VASH2: variants seen among roughly 807,000 people sequenced by gnomAD.
The protein encoded by VASH2 is vasohibin 2.
In VASH2, 28 loss-of-function variants were observed where a neutral mutation model predicts 37.2. The observed-to-expected ratio is 0.75, with a 90% CI of 0.56 to 1.03. The LOEUF (loss-of-function observed/expected upper bound fraction) is 1.03. VASH2 is among the 50% of genes least tolerant of loss of function. VASH2 has a pLI of 0.00. For missense variants in VASH2, 419 were observed against 459.1 expected (o/e 0.91, Z 0.80); for synonymous variants, 188 against 174.7 (o/e 1.08, Z -0.60).
chr1:212,951,829 TC>T lies in VASH2; in HGVS notation c.276+13del, dbSNP rs1211924829. ...GCCTTCTTGGCAAAGGTCAGTGGCT[TC>T]CAGGGCGGAGTTGGGGGGCTGGGGG... is the stretch of plus-strand genomic sequence containing the variant. On this transcript the variant is annotated intron_variant, in intron 2 of 7. Transcript: ENST00000517399. The surrounding 1 kb of genome is among the most constrained non-coding windows in gnomAD (Gnocchi z 4.4). 3 of 1,595,994 alleles carry T rather than the reference TC, an allele frequency of 1.9e-6. No individual in the cohort carries two copies. The highest frequency in any genetic ancestry group is 1.7e-6 in the Non-Finnish European group (2 of 1,174,998).
intron 2 of VASH2, among the ~76,000 whole-genome samples, chr1:212,955,228 G>A (rs1342756014): frequency 6.6e-6 from 1 of 152,182 alleles, no homozygotes; most frequent in Admixed American, 6.5e-5. Flanking sequence ...GAAGTAGATG[G>A]GGGAGGTTTT....
rs1244773400 is a variant in VASH2 at position 212,990,805 on chromosome 1, T to C, written c.*2221T>C. 1 of 152,128 alleles carries C rather than the reference T, an allele frequency of 6.6e-6. No homozygotes were observed. Among genetic ancestry groups the C allele is most frequent in the Admixed American group, 6.5e-5 (1 of 15,272 alleles). 9.4% of individuals were successfully genotyped at this position (152,128 alleles called of 1,614,324 possible). On this transcript the variant is annotated 3_prime_UTR_variant, in exon 8 of 8. Transcript: ENST00000517399. ...CAAACTTGAAAGTACATTTAAAATG[T>C]TCTTAGTTGTCATCCTACTTTTATT... is the stretch of plus-strand genomic sequence containing the variant.
chr1:212,961,268 C>G lies in VASH2; in HGVS notation c.365+14C>G, dbSNP rs775978769. ...GAAGACCCTACAGTATCCTTCCAACCAAGGTCTGAGCACACCCAGCCAGGG... is the reference window on the plus strand; with the variant it reads ...GAAGACCCTACAGTATCCTTCCAACGAAGGTCTGAGCACACCCAGCCAGGG... On this transcript the variant is annotated intron_variant, in intron 3 of 7. Transcript: ENST00000517399. 1 of 1,614,138 alleles carries G rather than the reference C, an allele frequency of 6.2e-7. No individual in the cohort carries two copies.
In VASH2 at chr1:212,968,597, C is replaced by T. The variant is rs189087098; in HGVS notation, c.497+2252C>T. ...ACCTTACTGAGGCCCCTCCCCAACC[C>T]TCTTGTCATCCTCCTCCCTGTTTCC... On this transcript the variant is annotated intron_variant, in intron 5 of 7. Coordinates refer to ENST00000517399, the MANE Select transcript of VASH2 (RefSeq NM_001301056.2). 16 of 985,498 alleles carry T rather than the reference C, an allele frequency of 1.6e-5. No individual in the cohort carries two copies. In the Admixed American group the frequency reaches 7.4e-4, roughly 45 times the overall value. The allele number at this position is 985,498 out of a possible 1,614,324, so 61.0% of individuals were successfully genotyped here.
intron 5 of VASH2, among the ~76,000 whole-genome samples, chr1:212,972,113 T>C (rs906276381): frequency 6.6e-6 from 1 of 152,202 alleles, no homozygotes; most frequent in Non-Finnish European, 1.5e-5. Flanking sequence ...TCCTTCTGCA[T>C]TCCCAATTGT....
chr1:212,961,664 G>A (rs951080985), intron 3 of VASH2, among the ~76,000 whole-genome samples: 4 of 152,286 alleles, frequency 2.6e-5, no homozygotes, highest in South Asian at 4.1e-4. Flanking sequence ...GGGCGTTGGC[G>A]CATTCTCAGC....
At position 212,973,440 on chromosome 1, in the gene VASH2, AAG is replaced by A. The variant is rs1156605266; in HGVS notation, c.879+483_879+484del. 3.9e-6 allele frequency: 5 copies of A among 1,291,112 alleles called. No individual in the cohort carries two copies. The East Asian group carries it at 1.7e-4, about 43-fold the overall frequency. The allele number at this position is 1,291,112 out of a possible 1,614,324, so 80.0% of individuals were successfully genotyped here. A position where few individuals can be genotyped will look rare whatever the true frequency, so the allele number is the denominator to read the frequency against. ...TCCCTCCAGGGCTTGTGCAGTCACT[AAG>A]AGAAAAGGATTATGCTGACTTCAGG... On this transcript the variant is annotated intron_variant, in intron 6 of 7. Coordinates refer to ENST00000517399, the MANE Select transcript of VASH2 (RefSeq NM_001301056.2).
Position 212,972,608 on chromosome 1 carries a change from G to T in VASH2, c.526G>T (p.Glu176Ter). 1 of 1,614,038 alleles carries T rather than the reference G, an allele frequency of 6.2e-7. No individual in the cohort carries two copies. The highest frequency in any genetic ancestry group is 1.1e-5 in the South Asian group (1 of 91,050). The change falls in exon 6 of 8, where the codon GAG becomes TAG. Residue 176 changes from glutamate to a stop codon, truncating the protein, a stop_gained. Transcript: ENST00000517399. LOFTEE classifies it high-confidence loss of function. ...IYLTNGQPSI[E>*]RFPISFKTYF... is the part of the protein sequence containing the mutation. ...CTTAACCAATGGGCAGCCTTCCATT[G>T]AGCGGTTCCCCATCAGCTTTAAAAC...
At position 212,987,602 on chromosome 1, in the gene VASH2, A is replaced by G. The variant is rs370384523; in HGVS notation, c.996-910A>G. On this transcript the variant is annotated intron_variant, in intron 7 of 7. Coordinates refer to ENST00000517399, the MANE Select transcript of VASH2 (RefSeq NM_001301056.2). ...AAACAAAAACAAAAACAAAACAAAA[A>G]CAAGGTTTATGTGTAACCTAAACAT... Among the ~76,000 whole-genome samples the G allele has an allele frequency of 7.2e-5, 11 of 152,208 alleles. No individual in the cohort carries two copies. In the East Asian group the frequency reaches 1.5e-3, roughly 21 times the overall value.
At chr1:212,973,353 A>T in intron 6 of VASH2, 1 of 1,270,932 alleles carries the variant, frequency 7.9e-7, no homozygotes, top group Non-Finnish European at 1.0e-6. Flanking sequence ...GACTATACTC[A>T]TACGTCCCTC....
In VASH2 at chr1:212,971,696, G is replaced by A. The variant is rs532853202; in HGVS notation, c.498-884G>A. Among the ~76,000 whole-genome samples, 1 of 152,182 alleles carries A rather than the reference G, an allele frequency of 6.6e-6. No individual in the cohort carries two copies. Among genetic ancestry groups the A allele is most frequent in the Non-Finnish European group, 1.5e-5 (1 of 68,028 alleles). On this transcript the variant is annotated intron_variant, in intron 5 of 7. Coordinates refer to ENST00000517399, the MANE Select transcript of VASH2 (RefSeq NM_001301056.2). This position sits in a 1 kb window ranked among gnomAD's most constrained non-coding sequence, Gnocchi z 4.0. ...TTCTTTCTAGAGAGTGGAGGCATCCGTGATTAAACCGAGAGCAGAGGACAA... is the reference window on the plus strand; with the variant it reads ...TTCTTTCTAGAGAGTGGAGGCATCCATGATTAAACCGAGAGCAGAGGACAA...
At chr1:212,973,047 T>C in intron 6 of VASH2, 86 bp downstream of exon 6, 1 of 1,517,206 alleles carries the variant, frequency 6.6e-7, no homozygotes, top group Non-Finnish European at 8.7e-7. Flanking sequence ...GCCTCATTTT[T>C]CTAGGATGGC....
intron 7 of VASH2, among the ~76,000 whole-genome samples, chr1:212,981,402 C>G (rs944697482): frequency 1.3e-5 from 2 of 152,198 alleles, no homozygotes; most frequent in African/African-American, 4.8e-5. Context: ...TTCCCTGTGT[C>G]CGTCCAGCTG....
At position 212,990,216 on chromosome 1, in the gene VASH2, AAAG is replaced by A. The variant is rs766171558; in HGVS notation, c.*1636_*1638del. On this transcript the variant is annotated 3_prime_UTR_variant, in exon 8 of 8. Transcript: ENST00000517399. ...TATTAATGAAAAGTACTGTTTTCTT[AAAG>A]AAGTCGAATGTCCTTTAGATGAACA... 4.2e-4 allele frequency: 64 copies of A among 152,228 alleles called. No homozygotes were observed. The highest frequency in any genetic ancestry group is 8.4e-4 in the Non-Finnish European group (57 of 68,038). The allele number at this position is 152,228 out of a possible 1,614,324, so 9.4% of individuals were successfully genotyped here. A position where few individuals can be genotyped will look rare whatever the true frequency, so the allele number is the denominator to read the frequency against.
At chr1:212,959,021 G>C (rs1666585058) in intron 2 of VASH2, among the ~76,000 whole-genome samples, 1 of 152,004 alleles carries the variant, frequency 6.6e-6, no homozygotes, top group Admixed American at 6.5e-5. Context: ...CAGCCACTGC[G>C]CCCGACCTGC....
Position 212,969,052 on chromosome 1 carries a change from T to G in VASH2, c.497+2707T>G, listed in dbSNP as rs936113978. ...TTGAGCCTGTCCAAATCAGAGACAG[T>G]GTGCTCGTGGTTTTCCTTTGTTCTT... On this transcript the variant is annotated intron_variant, in intron 5 of 7. Transcript: ENST00000517399. The G allele has an allele frequency of 7.1e-6, 7 of 985,352 alleles. No homozygotes were observed. The East Asian group carries it at 7.9e-4, about 112-fold the overall frequency. The allele number at this position is 985,352 out of a possible 1,614,324, so 61.0% of individuals were successfully genotyped here.
At chr1:212,966,808 A>G (rs1214507592) in intron 5 of VASH2, 1 of 341,224 alleles carries the variant, frequency 2.9e-6, no homozygotes, top group African/African-American at 2.1e-5. Context: ...GCTCGCTGCA[A>G]CTTCCGCCTC....
At chr1:212,966,201 T>C in intron 4 of VASH2, 70 bp from the exon 5 acceptor site, 1 of 1,366,658 alleles carries the variant, frequency 7.3e-7, no homozygotes, top group South Asian at 1.3e-5. Context: ...GGCATGCTGA[T>C]GGATTGACAG....
At chr1:212,983,381 G>A (rs1005379547) in intron 7 of VASH2, among the ~76,000 whole-genome samples, 8 of 152,214 alleles carry the variant, frequency 5.3e-5, no homozygotes, top group African/African-American at 1.9e-4. Context: ...TTGTTGCACT[G>A]TCCCATGACA....
Sources: allele counts gnomAD v4.1 joint callset (sites outside exome capture counted in the v4.1 genomes callset), GRCh38; gene constraint gnomAD v4.1.1; non-coding constraint Gnocchi (gnomAD v3.1); transcripts MANE v1.5; gene names NCBI Gene and HGNC (gene_info 2026-07-23, HGNC 2026-07-21).